GNAL: variants seen among roughly 807,000 people sequenced by gnomAD.
GNAL encodes the protein guanine nucleotide-binding protein G(olf) subunit alpha.
In GNAL, 18 loss-of-function variants were observed where a neutral mutation model predicts 55.1. The observed-to-expected ratio is 0.33, with a 90% CI of 0.23 to 0.48. The LOEUF (loss-of-function observed/expected upper bound fraction) is 0.48. GNAL is among the 20% of genes least tolerant of loss of function. The pLI is 0.99. For missense variants in GNAL, 412 were observed against 614.1 expected (o/e 0.67, Z 3.48); for synonymous variants, 253 against 237.0 (o/e 1.07, Z -0.62).
At chr18:11,842,515 T>C (rs542063973) in intron 5 of GNAL, among the ~76,000 whole-genome samples, 1 of 152,094 alleles carries the variant, frequency 6.6e-6, no homozygotes, top group South Asian at 2.1e-4. Context: ...CCTGAGCTTG[T>C]TTTCCTGCAA....
intron 4 of GNAL, among the ~76,000 whole-genome samples, chr18:11,771,116 G>A (rs2033618911): frequency 6.6e-6 from 1 of 151,860 alleles, no homozygotes; most frequent in Non-Finnish European, 1.5e-5. Context: ...TACTCAGGAG[G>A]CTGAGGCAGG....
intron 4 of GNAL, among the ~76,000 whole-genome samples, chr18:11,802,371 C>T (rs940244822): frequency 2.6e-5 from 4 of 152,156 alleles, no homozygotes; most frequent in Admixed American, 1.3e-4. Flanking sequence ...GTGCTTGCTC[C>T]TCATGGTTTC....
chr18:11,885,186 C>A lies in GNAL; in HGVS notation c.*4051C>A. 1 of 553,236 alleles carries A rather than the reference C, an allele frequency of 1.8e-6. No individual in the cohort carries two copies. The highest frequency in any genetic ancestry group is 2.6e-6 in the Non-Finnish European group (1 of 377,666). 34.3% of individuals were successfully genotyped at this position (553,236 alleles called of 1,614,324 possible). A position where few individuals can be genotyped will look rare whatever the true frequency, so the allele number is the denominator to read the frequency against. ...CCACCTTTTTATGAAGTAAAAGAAC[C>A]TGTCGTACCAGCATCATGAGCTGGA... On this transcript the variant is annotated 3_prime_UTR_variant, in exon 12 of 12. Transcript: ENST00000334049.
intron 5 of GNAL, chr18:11,852,004 A>G: frequency 6.2e-7 from 1 of 1,613,686 alleles, no homozygotes; most frequent in Non-Finnish European, 8.5e-7. Flanking sequence ...CCTCGACCTC[A>G]ACATGGAGCT....
intron 1 of GNAL, among the ~76,000 whole-genome samples, chr18:11,731,197 G>T (rs2032331809): frequency 6.6e-6 from 1 of 152,338 alleles, no homozygotes; most frequent in Middle Eastern, 3.4e-3. Context: ...GCCCAAGCTG[G>T]AGTGCAGTGC....
chr18:11,865,879 C>T (rs787558), intron 7 of GNAL, among the ~76,000 whole-genome samples: 95,062 of 148,358 alleles, frequency 0.64, 33,768 homozygotes, highest in East Asian at 0.9. Flanking sequence ...TTACCTTGCC[C>T]AGTCACCCTC....
intron 1 of GNAL, among the ~76,000 whole-genome samples, chr18:11,741,730 T>C (rs1273505462): frequency 1.3e-5 from 2 of 152,214 alleles, no homozygotes; most frequent in Non-Finnish European, 2.9e-5. Flanking sequence ...CACCTGCTGG[T>C]GTAAAAGTAT....
At position 11,880,996 on chromosome 18, in the gene GNAL, G is replaced by C; in HGVS notation, c.1238G>C (p.Ser413Thr). Residue 413 changes from serine to threonine, a missense_variant, in exon 12 of 12, where the codon AGC (serine) becomes ACC (threonine). Coordinates refer to ENST00000334049, the MANE Select transcript of GNAL (RefSeq NM_182978.4). ...FFIRDLFLRI[S>T]TATGDGKHYC... ...ACACGCTCTCTCTTGCAGAGGATCA[G>C]CACGGCCACCGGTGACGGCAAACAT... 2 of 1,613,886 alleles carry C rather than the reference G, an allele frequency of 1.2e-6. No individual in the cohort carries two copies. The highest frequency in any genetic ancestry group is 1.7e-6 in the Non-Finnish European group (2 of 1,179,874).
chr18:11,861,242 C>T (rs113207622), intron 5 of GNAL, among the ~76,000 whole-genome samples: 26 of 152,244 alleles, frequency 1.7e-4, no homozygotes, highest in East Asian at 9.7e-4. Flanking sequence ...TGGGCCCCCC[C>T]GACCCCTCCC....
intron 5 of GNAL, among the ~76,000 whole-genome samples, chr18:11,838,313 A>G (rs2035540767): frequency 6.6e-6 from 1 of 152,200 alleles, no homozygotes. Context: ...AAAAGACCAC[A>G]TATGGTATCA....
intron 5 of GNAL, among the ~76,000 whole-genome samples, chr18:11,855,274 C>G (rs558810114): frequency 1.7e-3 from 256 of 151,774 alleles, no homozygotes; most frequent in Non-Finnish European, 3.2e-3. Flanking sequence ...TTCTTCATAA[C>G]TACAAGATTT....
chr18:11,723,640 A>T (rs564064253), intron 1 of GNAL, among the ~76,000 whole-genome samples: 2 of 152,374 alleles, frequency 1.3e-5, no homozygotes, highest in South Asian at 4.1e-4. Flanking sequence ...GGCACCCTGA[A>T]GTGCTCCAGC....
chr18:11,790,304 A>G (rs966343902), intron 4 of GNAL, among the ~76,000 whole-genome samples: 9 of 151,860 alleles, frequency 5.9e-5, no homozygotes, highest in Non-Finnish European at 1.3e-4. Context: ...TCAGCTCCTC[A>G]TGATTCCCCC....
intron 1 of GNAL, among the ~76,000 whole-genome samples, chr18:11,741,086 AAG>A (rs2032565772): frequency 1.3e-5 from 2 of 152,262 alleles, no homozygotes; most frequent in South Asian, 4.1e-4. Flanking sequence ...CAACTGGGCA[AAG>A]AGATAATTAA....
At chr18:11,851,524 G>A (rs2035866369) in intron 5 of GNAL, 1 of 1,594,214 alleles carries the variant, frequency 6.3e-7, no homozygotes, top group African/African-American at 1.4e-5. Context: ...GTCTAACATG[G>A]AGAAACACCT....
At chr18:11,765,541 T>C (rs1029024473) in intron 4 of GNAL, among the ~76,000 whole-genome samples, 2 of 152,206 alleles carry the variant, frequency 1.3e-5, no homozygotes, top group Non-Finnish European at 2.9e-5. Flanking sequence ...TTTGTGCCCG[T>C]TGATCATTCT....
chr18:11,739,743 C>T (rs548858618), intron 1 of GNAL, among the ~76,000 whole-genome samples: 55 of 152,046 alleles, frequency 3.6e-4, no homozygotes, highest in Non-Finnish European at 7.6e-4. Context: ...GGTGTCCTTC[C>T]CGGGGTCTCA....
At chr18:11,880,911 C>G in intron 11 of GNAL, 78 bp from the exon 12 acceptor site, 1 of 1,467,016 alleles carries the variant, frequency 6.8e-7, no homozygotes, top group East Asian at 2.3e-5. Flanking sequence ...CCTCCAGCAC[C>G]TGCTCAGCGT....
intron 1 of GNAL, among the ~76,000 whole-genome samples, chr18:11,712,350 A>G (rs1404929328): frequency 6.6e-6 from 1 of 152,210 alleles, no homozygotes; most frequent in Non-Finnish European, 1.5e-5. Context: ...CGTGCATAAA[A>G]TTGAATTGCC....
Sources: gnomAD v4.1 joint callset for allele counts (sites outside exome capture counted in the v4.1 genomes callset) on GRCh38, gnomAD v4.1.1 for gene constraint, MANE v1.5 for transcripts, NCBI Gene and HGNC (gene_info 2026-07-23, HGNC 2026-07-21) for gene names.